MATK: variants seen among roughly 807,000 people sequenced by gnomAD.
MATK encodes megakaryocyte-associated tyrosine kinase.
Under a neutral mutation model 59.8 loss-of-function variants are expected in MATK, and 41 were observed. That is an observed-to-expected ratio of 0.69 (90% CI 0.53 to 0.89). The LOEUF (loss-of-function observed/expected upper bound fraction) is 0.89. Ranked by LOEUF, MATK falls within the 40% of genes least tolerant of loss-of-function variation. The pLI is 0.00. For missense variants in MATK, 593 were observed against 719.6 expected (o/e 0.82, Z 2.01); for synonymous variants, 308 against 306.1 (o/e 1.01, Z -0.06).
chr19:3,797,501 G>T (rs2037607025), intron 1 of MATK, among the ~76,000 whole-genome samples: 1 of 151,564 alleles, frequency 6.6e-6, no homozygotes, highest in African/African-American at 2.4e-5. Context: ...TCCCAGGCTG[G>T]TTTCAAACTC....
Position 3,783,170 on chromosome 19 carries a change from T to C in MATK, c.632A>G (p.Lys211Arg). Reference sequence around the variant, plus strand: ...GGCCGACTTGGTCCCGTGTTTCCGCTTTGGTCTCACCAGCTTGGTGCAGAT... The same window carrying C: ...GGCCGACTTGGTCCCGTGTTTCCGCCTTGGTCTCACCAGCTTGGTGCAGAT... ...GAICTKLVRPKRKHGTKSAEE... is the reference protein window; with the variant it reads ...GAICTKLVRPRRKHGTKSAEE... Residue 211 changes from lysine to arginine, a missense_variant, in exon 7 of 14, where the codon AAG (lysine) becomes AGG (arginine). Coordinates refer to ENST00000310132, the MANE Select transcript of MATK (RefSeq NM_139355.3). 6.2e-7 allele frequency: 1 copy of C among 1,614,118 alleles called. No homozygotes were observed. Among genetic ancestry groups the C allele is most frequent in the Non-Finnish European group, 8.5e-7 (1 of 1,179,994 alleles).
chr19:3,783,419 G>A, intron 6 of MATK, 200 bp from the exon 7 acceptor site: 2 of 611,090 alleles, frequency 3.3e-6, no homozygotes, highest in Non-Finnish European at 5.8e-6. Context: ...GGGTCCTGGG[G>A]GGTCCCCAGA....
At chr19:3,786,666 G>A (rs1188282018), upstream of MATK, among the ~76,000 whole-genome samples, 1 of 151,914 alleles carries the variant, frequency 6.6e-6, no homozygotes, top group Non-Finnish European at 1.5e-5. The surrounding 1 kb of genome is among the most constrained non-coding windows in gnomAD (Gnocchi z 4.1). Flanking sequence ...GACTCCCAGA[G>A]GACACTTCGT....
intron 1 of MATK, among the ~76,000 whole-genome samples, chr19:3,800,999 A>G (rs1261573226): frequency 6.6e-6 from 1 of 152,094 alleles, no homozygotes; most frequent in Non-Finnish European, 1.5e-5. Flanking sequence ...AGCTGGGATT[A>G]CAGGTGCCCA....
intron 1 of MATK, among the ~76,000 whole-genome samples, chr19:3,795,250 T>C (rs2037583147): frequency 6.6e-6 from 1 of 150,702 alleles, no homozygotes; most frequent in African/African-American, 2.4e-5. Flanking sequence ...GTGCTAGGAT[T>C]ATGGGCGTGA....
chr19:3,788,124 T>A (rs1019078404), upstream of MATK, among the ~76,000 whole-genome samples: 1 of 146,964 alleles, frequency 6.8e-6, no homozygotes, highest in Non-Finnish European at 1.5e-5. Flanking sequence ...TATATTATAT[T>A]ATATTATATT....
chr19:3,800,896 T>C (rs1415666091), intron 1 of MATK, among the ~76,000 whole-genome samples: 1 of 152,178 alleles, frequency 6.6e-6, no homozygotes, highest in Non-Finnish European at 1.5e-5. Context: ...AGTGTCGCTC[T>C]GTCATCCACG....
upstream of MATK, among the ~76,000 whole-genome samples, chr19:3,790,195 G>A (rs1449469872): frequency 6.6e-6 from 1 of 152,194 alleles, no homozygotes; most frequent in Non-Finnish European, 1.5e-5. Context: ...AGGCCCCAGA[G>A]GTGGCCGCAC....
intron 1 of MATK, among the ~76,000 whole-genome samples, chr19:3,799,158 C>A (rs973714197): frequency 6.6e-6 from 1 of 152,100 alleles, no homozygotes; most frequent in Non-Finnish European, 1.5e-5. Flanking sequence ...CGCCTGGGTC[C>A]CTGTGCCTGA....
intron 3 of MATK, 70 bp downstream of exon 3, chr19:3,784,755 G>T (rs2037455280): frequency 8.9e-7 from 1 of 1,120,554 alleles, no homozygotes; most frequent in South Asian, 1.3e-5. Flanking sequence ...CCTTCAGGAA[G>T]GGGTCTCAGG....
rs1386750423 is a variant in MATK at position 3,784,133 on chromosome 19, C to T, written c.353G>A (p.Ser118Asn). 3 of 1,609,832 alleles carry T rather than the reference C, an allele frequency of 1.9e-6. No individual in the cohort carries two copies. The highest frequency in any genetic ancestry group is 1.7e-6 in the Non-Finnish European group (2 of 1,177,532). ...REALSADPKLSLMPWFHGKIS... is the reference protein window; with the variant it reads ...REALSADPKLNLMPWFHGKIS... Reference sequence around the variant, plus strand: ...TGTCCTGCCCACTCACGGCATGAGGCTGAGCTTGGGGTCTGCGGAGAGGGC... The same window carrying T: ...TGTCCTGCCCACTCACGGCATGAGGTTGAGCTTGGGGTCTGCGGAGAGGGC... The change falls in exon 5 of 14, where the codon AGC (serine) becomes AAC (asparagine). Residue 118 changes from serine (S) to asparagine (N), a missense_variant. By Grantham distance (46) the Ser-to-Asn change is conservative. Transcript: ENST00000310132.
upstream of MATK, among the ~76,000 whole-genome samples, chr19:3,790,572 A>C (rs1325912679): frequency 1.3e-5 from 2 of 152,086 alleles, no homozygotes; most frequent in East Asian, 3.9e-4. Context: ...AGGGCTCTTC[A>C]TGTTTGGCCT....
At chr19:3,783,299 T>TG in intron 6 of MATK, 80 bp from the exon 7 acceptor site, 1 of 58,986 alleles carries the variant, frequency 1.7e-5, no homozygotes, top group Non-Finnish European at 3.9e-5. Flanking sequence ...GGGTGGCCTC[T>TG]GGGTGGGGTG....
chr19:3,785,259 C>A lies in MATK; in HGVS notation c.-124G>T. On this transcript the variant is annotated 5_prime_UTR_variant, in exon 2 of 14. Coordinates refer to ENST00000310132, the MANE Select transcript of MATK (RefSeq NM_139355.3). ...ACAGGAGGTAGGGAGCTGGGTGCCA[C>A]TGGACCGAGCCTGGTTCTTCCTGTT... is the stretch of plus-strand genomic sequence containing the variant. The A allele has an allele frequency of 6.5e-7, 1 of 1,547,492 alleles. No individual in the cohort carries two copies. The highest frequency in any genetic ancestry group is 2.0e-5 in the Admixed American group (1 of 50,240).
chr19:3,789,240 G>T (rs764156337), upstream of MATK: 1 of 768,088 alleles, frequency 1.3e-6, no homozygotes, highest in Non-Finnish European at 2.4e-6. Flanking sequence ...AATATCTGCA[G>T]CGGAAAACCC....
Position 3,778,054 on chromosome 19 carries a change from G to T in MATK, c.*129C>A. 1 of 1,372,134 alleles carries T rather than the reference G, an allele frequency of 7.3e-7. No homozygotes were observed. The highest frequency in any genetic ancestry group is 9.6e-7 in the Non-Finnish European group (1 of 1,039,356). 85.0% of individuals were successfully genotyped at this position (1,372,134 alleles called of 1,614,324 possible). A position where few individuals can be genotyped will look rare whatever the true frequency, so the allele number is the denominator to read the frequency against. Reference sequence around the variant, plus strand: ...GGGCCGCCCAGAGCCCCCTACGTGGGCCAGCCCCTGCTGTGGGCACCAGGA... The same window carrying T: ...GGGCCGCCCAGAGCCCCCTACGTGGTCCAGCCCCTGCTGTGGGCACCAGGA... On this transcript the variant is annotated 3_prime_UTR_variant, in exon 14 of 14. Coordinates refer to ENST00000310132, the MANE Select transcript of MATK (RefSeq NM_139355.3).
upstream of MATK, chr19:3,786,413 G>C (rs916456872): frequency 1.6e-5 from 16 of 979,724 alleles, no homozygotes; most frequent in African/African-American, 1.6e-4. This position sits in a 1 kb window ranked among gnomAD's most constrained non-coding sequence, Gnocchi z 4.1. Context: ...CGCCGCCGCC[G>C]GCCCCTCCCC....
At chr19:3,790,780 C>G (rs1201315320), upstream of MATK, among the ~76,000 whole-genome samples, 3 of 152,202 alleles carry the variant, frequency 2.0e-5, no homozygotes, top group South Asian at 6.2e-4. Flanking sequence ...TTGGGGAAAG[C>G]CTTCCTCAAG....
intron 3 of MATK, 127 bp from the exon 4 acceptor site, chr19:3,784,578 G>T: frequency 1.5e-6 from 1 of 684,692 alleles, no homozygotes; most frequent in Non-Finnish European, 2.5e-6. Flanking sequence ...GAGAGGCAGA[G>T]AAAACAGACG....
Sources: gnomAD v4.1 joint callset for allele counts (sites outside exome capture counted in the v4.1 genomes callset) on GRCh38, gnomAD v4.1.1 for gene constraint, Gnocchi (gnomAD v3.1) non-coding constraint, MANE v1.5 for transcripts, NCBI Gene and HGNC (gene_info 2026-07-23, HGNC 2026-07-21) for gene names.